The following GMCL2 variants were observed in gnomAD, a reference collection of about 807,000 sequenced individuals.
GMCL2 encodes the protein germ cell-less 2, spermatogenesis associated.
In GMCL2, 33 loss-of-function variants were observed where a neutral mutation model predicts 36.2. That is an observed-to-expected ratio of 0.91 (90% CI 0.69 to 1.22). The LOEUF (loss-of-function observed/expected upper bound fraction) is 1.22, where lower values mean the gene tolerates loss of function less well. GMCL2 is among the 50% of genes most tolerant of loss of function. The pLI is 0.00. For synonymous variants in GMCL2, 172 were observed against 184.3 expected, an observed-to-expected ratio of 0.93 and a Z score of 0.54; for missense variants, 478 against 514.5, an observed-to-expected ratio of 0.93 and a Z score of 0.69.
chr5:178,187,165 G>T, the GMCL2 span: 1 of 1,224,004 alleles, frequency 8.2e-7, no homozygotes, highest in Non-Finnish European at 1.2e-6. Flanking sequence ...TGCCCGGGCA[G>T]TAACAGAAGC....
At position 178,185,856 on chromosome 5, in the gene GMCL2, T is replaced by G; in HGVS notation, c.1444A>C (p.Lys482Gln). Residue 482 changes from lysine (K) to glutamine (Q), a missense_variant, in exon 1 of 1, where the codon AAG (lysine) becomes CAG (glutamine). Coordinates refer to ENST00000463439, the MANE Select transcript of GMCL2 (RefSeq NM_001358008.2). ...TTCATCACCACTTGTTCCTGATCCT[T>G]TTTAAGTATAAGTATTTGATAGCCA... ...TTGYQILILK[K>Q]DQEQVVMNLD... is the part of the protein sequence containing the mutation. 1 of 893,232 alleles carries G rather than the reference T, an allele frequency of 1.1e-6. No homozygotes were observed. The highest frequency in any genetic ancestry group is 2.4e-5 in the East Asian group (1 of 41,050). The allele number at this position is 893,232 out of a possible 1,614,324, so 55.3% of individuals were successfully genotyped here.
chr5:178,186,142 A>T lies in GMCL2; in HGVS notation c.1158T>A (p.Asn386Lys). ...TGCTATTTCCCTCTAGGTCTTCTTTATTGATTTCTTGAGGCCCTACCTCAC... is the reference window on the plus strand; with the variant it reads ...TGCTATTTCCCTCTAGGTCTTCTTTTTTGATTTCTTGAGGCCCTACCTCAC... ...QDREVGPQEI[N>K]KEDLEGNSMR... Residue 386 changes from asparagine (N) to lysine (K), a missense_variant, in exon 1 of 1, where the codon AAT becomes AAA. By Grantham distance (94) the Asn-to-Lys change is moderately conservative. Around this residue, in one of 5 missense-constraint regions of GMCL2, gnomAD observed 135 missense variants for 119.0 expected, o/e 1.13. Transcript: ENST00000463439. 1 of 822,792 alleles carries T rather than the reference A, an allele frequency of 1.2e-6. No individual in the cohort carries two copies. The highest frequency in any genetic ancestry group is 1.3e-5 in the South Asian group (1 of 75,420). 51.0% of individuals were successfully genotyped at this position (822,792 alleles called of 1,614,324 possible).
rs772421053 is a variant in GMCL2, at chr5:178,185,370, C to A, written c.*349G>T. 2.6e-5 allele frequency among the ~76,000 whole-genome samples: 4 copies of A among 152,136 alleles called. No individual in the cohort carries two copies. The highest frequency in any genetic ancestry group is 2.0e-4 in the Admixed American group (3 of 15,260). The stretch of plus-strand genomic sequence containing the variant: ...AATTTACAGATGGATAACTGAGGTC[C>A]ACTAACATAAGGTAGAAACAAAGTT... On this transcript the variant is annotated 3_prime_UTR_variant, in exon 1 of 1. Coordinates refer to ENST00000463439, the MANE Select transcript of GMCL2 (RefSeq NM_001358008.2).
rs887871658 is a variant in GMCL2 at position 178,187,368 on chromosome 5, C to T, written c.-69G>A. On this transcript the variant is annotated 5_prime_UTR_variant, in exon 1 of 1. Coordinates refer to ENST00000463439, the MANE Select transcript of GMCL2 (RefSeq NM_001358008.2). ...TCTCTGGCCATGGCCCGGCCGCCGC[C>T]GCCAGCCTTCCCCGAGCACAGGTGC... is the stretch of plus-strand genomic sequence containing the variant. 8.0e-6 allele frequency: 5 copies of T among 626,260 alleles called. No individual in the cohort carries two copies. The highest frequency in any genetic ancestry group is 2.8e-5 in the East Asian group (1 of 35,458). The allele number at this position is 626,260 out of a possible 1,614,324, so 38.8% of individuals were successfully genotyped here. A position where few individuals can be genotyped will look rare whatever the true frequency, so the allele number is the denominator to read the frequency against.
Position 178,185,595 on chromosome 5 carries a change from G to A in GMCL2, c.*124C>T, listed in dbSNP as rs1433193482. ...GAGGATAAGAATAGTCTTCTGTATT[G>A]TCCGTACAGTTCATAAGGCCTTTGT... is the stretch of plus-strand genomic sequence containing the variant. On this transcript the variant is annotated 3_prime_UTR_variant, in exon 1 of 1. Coordinates refer to ENST00000463439, the MANE Select transcript of GMCL2 (RefSeq NM_001358008.2). 11 of 490,922 alleles carry A rather than the reference G, an allele frequency of 2.2e-5. No individual in the cohort carries two copies. In the East Asian group the frequency reaches 4.0e-4, roughly 18 times the overall value. The allele number at this position is 490,922 out of a possible 1,614,324, so 30.4% of individuals were successfully genotyped here.
rs537787656 is a variant in GMCL2, at chr5:178,186,123, T to C, written c.1177A>G (p.Asn393Asp). 9.6e-5 allele frequency: 78 copies of C among 812,006 alleles called. No homozygotes were observed. Among genetic ancestry groups the C allele is most frequent in the South Asian group, 8.4e-4 (63 of 75,246 alleles). The allele number at this position is 812,006 out of a possible 1,614,324, so 50.3% of individuals were successfully genotyped here. Residue 393 changes from asparagine (N) to aspartate (D), a missense_variant, in exon 1 of 1, where the codon AAT (asparagine) becomes GAT (aspartate). Transcript: ENST00000463439. The part of the protein sequence containing the change: ...QEINKEDLEG[N>D]SMRCGRKLAK... ...AGCTTTCTACCACACCTCATGCTAT[T>C]TCCCTCTAGGTCTTCTTTATTGATT...
chr5:178,186,646 T>A lies in GMCL2; in HGVS notation c.654A>T (p.Thr218=), dbSNP rs1286892480. ...INVKTVCGYY[T]SVEIYGLDSV... ...AATCTAATCCATAGATCTCTACTGA[T>A]GTGTAATAACCGCATACAGTTTTCA... is the stretch of plus-strand genomic sequence containing the variant. The change falls in exon 1 of 1, where the codon ACA becomes ACT. Residue 218 remains threonine (T), a synonymous_variant. Coordinates refer to ENST00000463439, the MANE Select transcript of GMCL2 (RefSeq NM_001358008.2). The A allele has an allele frequency of 5.2e-6, 6 of 1,147,050 alleles. No homozygotes were observed. The East Asian group carries it at 1.4e-4, about 27-fold the overall frequency. The allele number at this position is 1,147,050 out of a possible 1,614,324, so 71.1% of individuals were successfully genotyped here.
At position 178,186,826 on chromosome 5, in the gene GMCL2, A is replaced by C; in HGVS notation, c.474T>G (p.Asp158Glu). The C allele has an allele frequency of 1.2e-6, 2 of 1,610,070 alleles. No individual in the cohort carries two copies. The highest frequency in any genetic ancestry group is 2.2e-5 in the East Asian group (1 of 44,872). Residue 158 changes from aspartate to glutamate, a missense_variant, in exon 1 of 1, where the codon GAT (aspartate) becomes GAG (glutamate). Transcript: ENST00000463439. Reference protein sequence around the residue: ...IELEIPDQNIDVDALQVAFGS... With the variant: ...IELEIPDQNIEVDALQVAFGS... ...CAAACGCAACCTGCAGTGCGTCTAC[A>C]TCAATGTTCTGGTCAGGAATCTCCA... is the stretch of plus-strand genomic sequence containing the variant.
chr5:178,187,062 G>T lies in GMCL2; in HGVS notation c.238C>A (p.Pro80Thr). 1.8e-6 allele frequency: 2 copies of T among 1,084,968 alleles called. No individual in the cohort carries two copies. The highest frequency in any genetic ancestry group is 2.8e-6 in the Non-Finnish European group (2 of 719,446). 67.2% of individuals were successfully genotyped at this position (1,084,968 alleles called of 1,614,324 possible). A position where few individuals can be genotyped will look rare whatever the true frequency, so the allele number is the denominator to read the frequency against. ...EHEEEGDKQQ[P>T]LLNTPARKKL... ...TTCCTTGCAGGGGTGTTGAGGAGCG[G>T]CTGCTGCTTGTCCCCCTCCTCCTCA... The change falls in exon 1 of 1, where the codon CCG becomes ACG. Residue 80 changes from proline (P) to threonine (T), a missense_variant. Around this residue, in one of 5 missense-constraint regions of GMCL2, gnomAD observed 36 missense variants for 78.1 expected, o/e 0.46. Coordinates refer to ENST00000463439, the MANE Select transcript of GMCL2 (RefSeq NM_001358008.2).
At position 178,187,093 on chromosome 5, in the gene GMCL2, C is replaced by T. The variant is rs2961665; in HGVS notation, c.207G>A (p.Glu69=). ...GCTTGTCCCCCTCCTCCTCATGCTC[C>T]TCCCTGTGCGAGTCCGGGTCACAGT... ...CRYCDPDSHR[E]EHEEEGDKQQ... is the part of the protein sequence containing the mutation. The change falls in exon 1 of 1, where the codon GAG becomes GAA. Residue 69 remains glutamate (E), a synonymous_variant. Coordinates refer to ENST00000463439, the MANE Select transcript of GMCL2 (RefSeq NM_001358008.2). 2.9e-6 allele frequency: 3 copies of T among 1,048,394 alleles called. No homozygotes were observed. Among genetic ancestry groups the T allele is most frequent in the South Asian group, 2.7e-5 (2 of 74,550 alleles). 64.9% of individuals were successfully genotyped at this position (1,048,394 alleles called of 1,614,324 possible).
In GMCL2 at chr5:178,186,779, A is replaced by G. The variant is rs1561653957; in HGVS notation, c.521T>C (p.Val174Ala). The G allele has an allele frequency of 1.9e-6, 3 of 1,609,560 alleles. No homozygotes were observed. The highest frequency in any genetic ancestry group is 1.7e-4 in the Middle Eastern group (1 of 6,054). The change falls in exon 1 of 1, where the codon GTC (valine) becomes GCC (alanine). Residue 174 changes from valine (V) to alanine (A), a missense_variant. Physicochemically the swap from Val to Ala is moderately conservative, Grantham distance 64. Around this residue, in one of 5 missense-constraint regions of GMCL2, gnomAD observed 175 missense variants for 208.0 expected, o/e 0.84. Transcript: ENST00000463439. Reference protein sequence around the residue: ...VAFGSLYRDDVLIKPSRVVAI... With the variant: ...VAFGSLYRDDALIKPSRVVAI... ...AACAACTCGACTGGGTTTTATCAAG[A>G]CATCATCTCGATACAGTGAACCAAA...
At position 178,185,809 on chromosome 5, in the gene GMCL2, G is replaced by C. The variant is rs749249567; in HGVS notation, c.1491C>G (p.Thr497=). The C allele has an allele frequency of 1.0e-6, 1 of 986,974 alleles. No individual in the cohort carries two copies. Among genetic ancestry groups the C allele is most frequent in the East Asian group, 2.4e-5 (1 of 41,438 alleles). The allele number at this position is 986,974 out of a possible 1,614,324, so 61.1% of individuals were successfully genotyped here. A position where few individuals can be genotyped will look rare whatever the true frequency, so the allele number is the denominator to read the frequency against. The change falls in exon 1 of 1, where the codon ACC becomes ACG. Residue 497 remains threonine, a synonymous_variant. Coordinates refer to ENST00000463439, the MANE Select transcript of GMCL2 (RefSeq NM_001358008.2). ...AGTTACAGCAGATATATAAAGGGAA[G>C]GTCAGAAACCTGCTGTCCAAGTTCA... ...VVMNLDSRFL[T]FPLYICCNFL... is the part of the protein sequence containing the mutation.
In GMCL2 at chr5:178,185,956, A is replaced by G. The variant is rs1756688341; in HGVS notation, c.1344T>C (p.Pro448=). 1 of 768,466 alleles carries G rather than the reference A, an allele frequency of 1.3e-6. No individual in the cohort carries two copies. Among genetic ancestry groups the G allele is most frequent in the Non-Finnish European group, 2.4e-6 (1 of 412,572 alleles). The allele number at this position is 768,466 out of a possible 1,614,324, so 47.6% of individuals were successfully genotyped here. A position where few individuals can be genotyped will look rare whatever the true frequency, so the allele number is the denominator to read the frequency against. ...QPRSGSVSLR[P]RRSIAFRLRL... ...GTAATCTAAATGCTATGCTCCTTCG[A>G]GGCCGTAAACTGACAGACCCGCTGC... The change falls in exon 1 of 1, where the codon CCT becomes CCC. Residue 448 remains proline, a synonymous_variant. Coordinates refer to ENST00000463439, the MANE Select transcript of GMCL2 (RefSeq NM_001358008.2).
rs775018772 is a variant in GMCL2, at chr5:178,185,937, T to C, written c.1363A>G (p.Arg455Gly). The part of the protein sequence containing the change: ...SLRPRRSIAF[R>G]LRLASFDSSG... ...CTATCAAAAGAAGCCAAGCGTAATCTAAATGCTATGCTCCTTCGAGGCCGT... is the reference window on the plus strand; with the variant it reads ...CTATCAAAAGAAGCCAAGCGTAATCCAAATGCTATGCTCCTTCGAGGCCGT... The change falls in exon 1 of 1, where the codon AGA becomes GGA. Residue 455 changes from arginine (R) to glycine (G), a missense_variant. By Grantham distance (125) the Arg-to-Gly change is moderately radical. Coordinates refer to ENST00000463439, the MANE Select transcript of GMCL2 (RefSeq NM_001358008.2). The C allele has an allele frequency of 2.6e-6, 2 of 768,800 alleles. No individual in the cohort carries two copies. The highest frequency in any genetic ancestry group is 1.3e-5 in the South Asian group (1 of 74,560). 47.6% of individuals were successfully genotyped at this position (768,800 alleles called of 1,614,324 possible). A position where few individuals can be genotyped will look rare whatever the true frequency, so the allele number is the denominator to read the frequency against.
Position 178,186,007 on chromosome 5 carries a change from G to A in GMCL2, c.1293C>T (p.Phe431=). ...GTGGCTGATTCAGTGTATTGCGTTTGAAAATGATGTATCCATTGGTGTAAA... is the reference window on the plus strand; with the variant it reads ...GTGGCTGATTCAGTGTATTGCGTTTAAAAATGATGTATCCATTGGTGTAAA... ...LVIYTNGYII[F]KRNTLNQPRS... Residue 431 remains phenylalanine, a synonymous_variant, in exon 1 of 1, where the codon TTC becomes TTT. Coordinates refer to ENST00000463439, the MANE Select transcript of GMCL2 (RefSeq NM_001358008.2). The A allele has an allele frequency of 1.3e-6, 1 of 768,626 alleles. No individual in the cohort carries two copies. The highest frequency in any genetic ancestry group is 2.4e-6 in the Non-Finnish European group (1 of 411,650). 47.6% of individuals were successfully genotyped at this position (768,626 alleles called of 1,614,324 possible).
In GMCL2 at chr5:178,186,598, T is replaced by C. The variant is rs1440410090; in HGVS notation, c.702A>G (p.Glu234=). The change falls in exon 1 of 1, where the codon GAA becomes GAG. Residue 234 remains glutamate (E), a synonymous_variant. Transcript: ENST00000463439. The part of the protein sequence containing the change: ...GLDSVKKKCL[E]WLLNNLMTHQ... ...GAGTCATCAAATTGTTTAGAAGCCA[T>C]TCAAGGCACTTTTTCTTTACAGAAT... is the stretch of plus-strand genomic sequence containing the variant. 5 of 1,214,168 alleles carry C rather than the reference T, an allele frequency of 4.1e-6. No individual in the cohort carries two copies. The highest frequency in any genetic ancestry group is 6.1e-6 in the Non-Finnish European group (5 of 814,856). The allele number at this position is 1,214,168 out of a possible 1,614,324, so 75.2% of individuals were successfully genotyped here. A position where few individuals can be genotyped will look rare whatever the true frequency, so the allele number is the denominator to read the frequency against.
chr5:178,186,647 G>T lies in GMCL2; in HGVS notation c.653C>A (p.Thr218Lys). 1 of 1,148,720 alleles carries T rather than the reference G, an allele frequency of 8.7e-7. No homozygotes were observed. The highest frequency in any genetic ancestry group is 1.3e-6 in the Non-Finnish European group (1 of 754,904). 71.2% of individuals were successfully genotyped at this position (1,148,720 alleles called of 1,614,324 possible). ...INVKTVCGYY[T>K]SVEIYGLDSV... ...ATCTAATCCATAGATCTCTACTGATGTGTAATAACCGCATACAGTTTTCAC... is the reference window on the plus strand; with the variant it reads ...ATCTAATCCATAGATCTCTACTGATTTGTAATAACCGCATACAGTTTTCAC... Residue 218 changes from threonine to lysine, a missense_variant, in exon 1 of 1, where the codon ACA becomes AAA. Physicochemically the swap from Thr to Lys is moderately conservative, Grantham distance 78. Around this residue, in one of 5 missense-constraint regions of GMCL2, gnomAD observed 175 missense variants for 208.0 expected, o/e 0.84. Coordinates refer to ENST00000463439, the MANE Select transcript of GMCL2 (RefSeq NM_001358008.2).
At position 178,186,558 on chromosome 5, in the gene GMCL2, G is replaced by C. The variant is rs776047034; in HGVS notation, c.742C>G (p.Leu248Val). ...NNLMTHQNVK[L>V]FKELGINVMK... ...ACATTTATACCGAGTTCTTTAAAAA[G>C]TTTAACATTCTGGTGAGTCATCAAA... The change falls in exon 1 of 1, where the codon CTT (leucine) becomes GTT (valine). Residue 248 changes from leucine to valine, a missense_variant. By Grantham distance (32) the Leu-to-Val change is conservative. Transcript: ENST00000463439. 12 of 1,279,000 alleles carry C rather than the reference G, an allele frequency of 9.4e-6. No individual in the cohort carries two copies. Among genetic ancestry groups the C allele is most frequent in the Non-Finnish European group, 1.4e-5 (12 of 874,090 alleles). 79.2% of individuals were successfully genotyped at this position (1,279,000 alleles called of 1,614,324 possible). A position where few individuals can be genotyped will look rare whatever the true frequency, so the allele number is the denominator to read the frequency against.
rs1328678138 is a variant in GMCL2, at chr5:178,184,860, C to T, written c.*859G>A. 6.6e-6 allele frequency among the ~76,000 whole-genome samples: 1 copy of T among 152,120 alleles called. No homozygotes were observed. The highest frequency in any genetic ancestry group is 6.5e-5 in the Admixed American group (1 of 15,278). On this transcript the variant is annotated 3_prime_UTR_variant, in exon 1 of 1. Coordinates refer to ENST00000463439, the MANE Select transcript of GMCL2 (RefSeq NM_001358008.2). ...CTGAGCTTAAGTAGGAAACAAAACT[C>T]CCAACTAAAATTTGAACATAAATAA...
Sources: gnomAD v4.1 joint callset for allele counts (sites outside exome capture counted in the v4.1 genomes callset) on GRCh38, gnomAD v4.1.1 for gene constraint, gnomAD v4.1.1 regional missense constraint, MANE v1.5 for transcripts, NCBI Gene and HGNC (gene_info 2026-07-23, HGNC 2026-07-21) for gene names.